The following FOXP2 variants were observed in gnomAD, a reference collection of about 807,000 sequenced individuals.
FOXP2 encodes the protein forkhead box protein P2.
Under a neutral mutation model 115.8 loss-of-function variants are expected in FOXP2, and 12 were observed. That is an observed-to-expected ratio of 0.10 (90% confidence interval 0.07 to 0.17). FOXP2 has a LOEUF of 0.17. FOXP2 is among the 10% of genes least tolerant of loss of function. FOXP2 has a pLI of 1.00. For missense variants in FOXP2, 629 were observed against 843.5 expected (o/e 0.75, Z 3.15); for synonymous variants, 328 against 297.7 (o/e 1.10, Z -1.05).
rs994522788 is a variant in FOXP2, at chr7:114,371,233, A to G, written c.-10-55269A>G. Among the ~76,000 whole-genome samples, 3 of 147,058 alleles carry G rather than the reference A, an allele frequency of 2.0e-5. No homozygotes were observed. In the Admixed American group the frequency reaches 2.1e-4, roughly 10 times the overall value. Reference sequence around the variant, plus strand: ...GTAGCTGGAACTAGAGGCACATGCCACCATGTCCAGCTAATTTTTTTTTTT... The same window carrying G: ...GTAGCTGGAACTAGAGGCACATGCCGCCATGTCCAGCTAATTTTTTTTTTT... On this transcript the variant is annotated intron_variant, in intron 2 of 17. Transcript: ENST00000634411.
intron 2 of FOXP2, among the ~76,000 whole-genome samples, chr7:114,378,691 A>G (rs1792201576): frequency 6.9e-6 from 1 of 145,474 alleles, no homozygotes; most frequent in African/African-American, 2.5e-5. Flanking sequence ...CTCCAAAAAA[A>G]AAAAAAAAAA....
chr7:114,108,359 A>G (rs1380369771), intron 1 of FOXP2, among the ~76,000 whole-genome samples: 1 of 151,890 alleles, frequency 6.6e-6, no homozygotes, highest in Non-Finnish European at 1.5e-5. Flanking sequence ...TCTTCTTTCC[A>G]TATTCAGAGG....
chr7:114,188,561 T>C (rs1268226114), intron 1 of FOXP2, among the ~76,000 whole-genome samples: 1 of 152,228 alleles, frequency 6.6e-6, no homozygotes, highest in African/African-American at 2.4e-5. Flanking sequence ...CTTTTTTTTA[T>C]AGCTAATTTC....
intron 1 of FOXP2, among the ~76,000 whole-genome samples, chr7:114,165,236 C>T (rs903019685): frequency 6.6e-6 from 1 of 152,120 alleles, no homozygotes; most frequent in African/African-American, 2.4e-5. Context: ...AACGAGGTTC[C>T]TTCTCACCTC....
chr7:114,550,606 G>A (rs1250017893), intron 3 of FOXP2, among the ~76,000 whole-genome samples: 3 of 152,134 alleles, frequency 2.0e-5, no homozygotes, highest in Admixed American at 6.5e-5. Flanking sequence ...ATTCAATGAA[G>A]TACAGAAATA....
At chr7:114,382,700 C>A (rs1199518437) in intron 2 of FOXP2, among the ~76,000 whole-genome samples, 2 of 152,028 alleles carry the variant, frequency 1.3e-5, no homozygotes. Context: ...TTGCTCTGGG[C>A]CTAAGGCAGA....
intron 2 of FOXP2, among the ~76,000 whole-genome samples, chr7:114,457,813 G>A (rs904153765): frequency 5.3e-5 from 8 of 151,688 alleles, no homozygotes; most frequent in African/African-American, 1.9e-4. Context: ...CAGGAGACTG[G>A]CGTGAACCCA....
At chr7:114,259,460 C>A (rs928505474) in intron 1 of FOXP2, among the ~76,000 whole-genome samples, 3 of 152,086 alleles carry the variant, frequency 2.0e-5, no homozygotes, top group Non-Finnish European at 4.4e-5. Context: ...ACAGATGTAA[C>A]CAGAACATAA....
intron 8 of FOXP2, among the ~76,000 whole-genome samples, chr7:114,649,999 G>A (rs1563058985): frequency 1.3e-5 from 2 of 152,058 alleles, no homozygotes; most frequent in Non-Finnish European, 2.9e-5. Context: ...CCTTCATACA[G>A]GAGAATAAAG....
intron 3 of FOXP2, among the ~76,000 whole-genome samples, chr7:114,563,219 G>A (rs1231831061): frequency 1.3e-5 from 2 of 152,108 alleles, no homozygotes; most frequent in African/African-American, 4.8e-5. Flanking sequence ...ATTTGGGTAG[G>A]GACATAGCCA....
At chr7:114,344,096 G>A (rs1468569006) in intron 2 of FOXP2, among the ~76,000 whole-genome samples, 1 of 151,254 alleles carries the variant, frequency 6.6e-6, no homozygotes, top group African/African-American at 2.4e-5. Context: ...ATAATTCTTG[G>A]TCAATATTTG....
At chr7:114,673,371 A>T (rs1807596240) in intron 16 of FOXP2, among the ~76,000 whole-genome samples, 1 of 152,230 alleles carries the variant, frequency 6.6e-6, no homozygotes, top group South Asian at 2.1e-4. Context: ...AAGTAATTAC[A>T]TCTGTATTTT....
At chr7:114,348,049 CTTAT>C (rs1435484488) in intron 2 of FOXP2, among the ~76,000 whole-genome samples, 2 of 151,890 alleles carry the variant, frequency 1.3e-5, no homozygotes, top group African/African-American at 4.8e-5. Context: ...ATTTTTTAAT[CTTAT>C]TTGTTTGATA....
chr7:114,608,142 T>C (rs1050205550), intron 3 of FOXP2, among the ~76,000 whole-genome samples: 1 of 152,232 alleles, frequency 6.6e-6, no homozygotes, highest in African/African-American at 2.4e-5. Context: ...TTTCCAGTGC[T>C]ATATTGCCAG....
At chr7:114,146,278 T>C (rs1423652375) in intron 1 of FOXP2, among the ~76,000 whole-genome samples, 3 of 152,254 alleles carry the variant, frequency 2.0e-5, no homozygotes, top group African/African-American at 7.2e-5. Flanking sequence ...CGTACATGCT[T>C]AGCGTTCCAA....
At chr7:114,642,807 TATATA>T (rs1160464466) in intron 7 of FOXP2, among the ~76,000 whole-genome samples, 184 bp downstream of exon 7, 58 of 37,526 alleles carry the variant, frequency 1.5e-3, no homozygotes, top group Non-Finnish European at 2.5e-3. Context: ...TATATATATA[TATATA>T]TTTTTTTTTT....
rs372025759 is a variant in FOXP2, at chr7:114,575,442, T to C, written c.258+40736T>C. ...GGGGCATTGGACATTGTACCTTGGG[T>C]CACGGCCAAGACAGATGGCAGTGTT... On this transcript the variant is annotated intron_variant, in intron 3 of 16. Transcript: ENST00000350908. Among the ~76,000 whole-genome samples, 110 of 151,970 alleles carry C rather than the reference T, an allele frequency of 7.2e-4. 1 individual carries two copies. Among genetic ancestry groups the C allele is most frequent in the African/African-American group, 2.6e-3 (109 of 41,528 alleles).
intron 1 of FOXP2, among the ~76,000 whole-genome samples, chr7:114,204,678 G>A (rs989065466): frequency 6.6e-6 from 1 of 152,058 alleles, no homozygotes; most frequent in East Asian, 1.9e-4. Context: ...TATCAAAATT[G>A]TTTGCTTTTT....
chr7:114,490,609 C>T lies in FOXP2; in HGVS notation c.169-44008C>T, dbSNP rs914681755. Among the ~76,000 whole-genome samples, 3 of 152,146 alleles carry T rather than the reference C, an allele frequency of 2.0e-5. No homozygotes were observed. In the South Asian group the frequency reaches 6.2e-4, roughly 32 times the overall value. ...CATGTTGGTGTGCTGCACCCATTAA[C>T]TCGTCATTTAACATTAGGTAAATCT... On this transcript the variant is annotated intron_variant, in intron 2 of 16. Coordinates refer to ENST00000350908, the MANE Select transcript of FOXP2 (RefSeq NM_014491.4).
Sources: allele counts gnomAD v4.1 joint callset (sites outside exome capture counted in the v4.1 genomes callset), GRCh38; gene constraint gnomAD v4.1.1; transcripts MANE v1.5; gene names NCBI Gene and HGNC (gene_info 2026-07-23, HGNC 2026-07-21).